The following RBFOX1 variants were observed in gnomAD, a reference collection of about 807,000 sequenced individuals.
RBFOX1 encodes the protein RNA binding protein fox-1 homolog 1.
In RBFOX1, 8 loss-of-function variants were observed where a neutral mutation model predicts 57.7. That is an observed-to-expected ratio of 0.14 (90% CI 0.08 to 0.25). RBFOX1 has a LOEUF of 0.25. Among genes scored for constraint, RBFOX1 ranks in the 10% least tolerant of loss-of-function variants. The pLI, the probability that RBFOX1 is intolerant of heterozygous loss-of-function variation, is 1.00. For synonymous variants in RBFOX1, 326 were observed against 222.4 expected, an observed-to-expected ratio of 1.47 and a Z score of -4.15; for missense variants, 611 against 548.5, an observed-to-expected ratio of 1.11 and a Z score of -1.14.
chr16:7,040,002 TTTATTA>T (rs34770685), intron 3 of RBFOX1, among the ~76,000 whole-genome samples: 1 of 148,664 alleles, frequency 6.7e-6, no homozygotes, highest in African/African-American at 2.5e-5. Context: ...GGGGAGTTAT[TTTATTA>T]TTATTATTAT....
chr16:7,608,990 A>G (rs1429049935), intron 10 of RBFOX1, among the ~76,000 whole-genome samples: 1 of 152,118 alleles, frequency 6.6e-6, no homozygotes, highest in Non-Finnish European at 1.5e-5. Flanking sequence ...GGGGCATGGC[A>G]GTTTATTCAG....
intron 3 of RBFOX1, among the ~76,000 whole-genome samples, chr16:6,866,539 C>CTCTTTTTTTTTTT (rs1161474639): frequency 2.0e-5 from 1 of 49,090 alleles, no homozygotes; most frequent in Non-Finnish European, 3.6e-5. Flanking sequence ...TTCTTTCCTT[C>CTCTTTTTTTTTTT]TATTTTTTTT....
intron 2 of RBFOX1, among the ~76,000 whole-genome samples, chr16:6,527,997 G>A (rs1016853267): frequency 2.0e-5 from 3 of 152,020 alleles, no homozygotes; most frequent in Non-Finnish European, 2.9e-5. Context: ...CTCCTTACCT[G>A]TGTGTTGATT....
chr16:6,195,737 A>G (rs2097175838), intron 1 of RBFOX1, among the ~76,000 whole-genome samples: 1 of 152,008 alleles, frequency 6.6e-6, no homozygotes, highest in Admixed American at 6.6e-5. Context: ...GAAAAAAAAA[A>G]AAAGGTTTGT....
At chr16:5,837,920 G>A (rs1174479640) in intron 3 of RBFOX1, among the ~76,000 whole-genome samples, 1 of 152,124 alleles carries the variant, frequency 6.6e-6, no homozygotes. Context: ...TTGGGCGCTT[G>A]GAGAAGACTG....
intron 2 of RBFOX1, among the ~76,000 whole-genome samples, chr16:6,440,731 G>A (rs575180410): frequency 1.3e-5 from 2 of 151,384 alleles, no homozygotes; most frequent in South Asian, 4.2e-4. Flanking sequence ...AACTTGGGAG[G>A]CAGAGGTTTC....
At chr16:5,884,852 A>G (rs545552867) in intron 4 of RBFOX1, among the ~76,000 whole-genome samples, 3 of 152,124 alleles carry the variant, frequency 2.0e-5, no homozygotes, top group Non-Finnish European at 2.9e-5. Context: ...CTCTGGAGGC[A>G]AAGTGTGGCA....
At chr16:6,995,488 G>T (rs2092117174) in intron 3 of RBFOX1, among the ~76,000 whole-genome samples, 1 of 152,084 alleles carries the variant, frequency 6.6e-6, no homozygotes, top group Admixed American at 6.6e-5. Context: ...TTTGAAGAGG[G>T]GTGTGGTGGC....
chr16:6,174,050 C>T (rs2096983902), intron 1 of RBFOX1, among the ~76,000 whole-genome samples: 1 of 152,160 alleles, frequency 6.6e-6, no homozygotes, highest in Non-Finnish European at 1.5e-5. Flanking sequence ...CAAGACACTG[C>T]ATATACTTTT....
rs1185554475 is a variant in RBFOX1 at position 6,895,444 on chromosome 16, GTGTGTATATATATATATATATATATATA to G, written c.-15-156611_-15-156584del. Among the ~76,000 whole-genome samples the G allele has an allele frequency of 6.8e-5, 5 of 73,474 alleles. No homozygotes were observed. The East Asian group carries it at 2.3e-3, about 34-fold the overall frequency. 48.2% of individuals were successfully genotyped at this position (73,474 alleles called of 152,430 possible). A position where few individuals can be genotyped will look rare whatever the true frequency, so the allele number is the denominator to read the frequency against. Reference sequence around the variant, plus strand: ...TGTGTGTGTGTGTGTGTGTGTGTGTGTGTGTATATATATATATATATATATATATATATATATATATATTTATTCCCCT... The same window carrying G: ...TGTGTGTGTGTGTGTGTGTGTGTGTGTATATATATATATATTTATTCCCCT... On this transcript the variant is annotated intron_variant, in intron 3 of 15. Coordinates refer to ENST00000550418, the MANE Select transcript of RBFOX1 (RefSeq NM_018723.4).
chr16:7,656,705 G>T (rs970216308), intron 12 of RBFOX1, among the ~76,000 whole-genome samples: 3 of 152,120 alleles, frequency 2.0e-5, no homozygotes, highest in Non-Finnish European at 4.4e-5. Context: ...AGGCACTGTT[G>T]TGTGCTGAAG....
intron 3 of RBFOX1, among the ~76,000 whole-genome samples, chr16:5,689,325 C>T (rs1464331314): frequency 1.3e-5 from 2 of 152,214 alleles, no homozygotes; most frequent in Non-Finnish European, 2.9e-5. Flanking sequence ...AGGGTTGTTA[C>T]ACAGAGTTAG....
intron 4 of RBFOX1, among the ~76,000 whole-genome samples, chr16:7,173,786 T>C (rs1009545518): frequency 2.0e-5 from 3 of 152,246 alleles, no homozygotes; most frequent in Admixed American, 6.5e-5. Flanking sequence ...GCATCATAAA[T>C]TGAATAGTAA....
intron 4 of RBFOX1, among the ~76,000 whole-genome samples, chr16:5,939,485 T>A (rs946373077): frequency 6.6e-6 from 1 of 152,172 alleles, no homozygotes; most frequent in African/African-American, 2.4e-5. Flanking sequence ...TTTCTTGTCA[T>A]GGAGGACCTT....
At chr16:6,880,553 C>T (rs758671521) in intron 3 of RBFOX1, among the ~76,000 whole-genome samples, 3 of 152,092 alleles carry the variant, frequency 2.0e-5, no homozygotes, top group Admixed American at 6.6e-5. Context: ...GCTTCAGACA[C>T]GTGAACTCGG....
chr16:7,226,490 G>A (rs1030102543), intron 4 of RBFOX1, among the ~76,000 whole-genome samples: 4 of 152,172 alleles, frequency 2.6e-5, no homozygotes, highest in African/African-American at 9.7e-5. Context: ...TTGATGCTGT[G>A]TACATTCTGA....
At chr16:6,207,099 C>G (rs1415733124) in intron 1 of RBFOX1, among the ~76,000 whole-genome samples, 1 of 152,028 alleles carries the variant, frequency 6.6e-6, no homozygotes. Context: ...GCTATGACCC[C>G]CTGCATTCCT....
At chr16:5,486,711 G>A (rs1452355101) in intron 2 of RBFOX1, among the ~76,000 whole-genome samples, 2 of 152,094 alleles carry the variant, frequency 1.3e-5, no homozygotes, top group African/African-American at 4.8e-5. Context: ...ATCACCCCTG[G>A]GAGATGGAGA....
At chr16:5,370,686 A>T (rs1436980793) in intron 1 of RBFOX1, among the ~76,000 whole-genome samples, 2 of 151,694 alleles carry the variant, frequency 1.3e-5, no homozygotes, top group Non-Finnish European at 2.9e-5. Context: ...GTAGAGACAG[A>T]GTCTCTGTGT....
Sources: allele counts gnomAD v4.1 joint callset (sites outside exome capture counted in the v4.1 genomes callset), GRCh38; gene constraint gnomAD v4.1.1; transcripts MANE v1.5; gene names NCBI Gene and HGNC (gene_info 2026-07-23, HGNC 2026-07-21).